Variants in CDIN1 observed in about 807,000 individuals in gnomAD.
CDIN1 encodes the protein CDAN1-interacting nuclease 1.
A neutral mutation model predicts 45.3 loss-of-function variants in CDIN1; 33 were observed. The observed-to-expected ratio is 0.73, with a 90% confidence interval of 0.55 to 0.97. The LOEUF is 0.97. CDIN1 is among the 50% of genes least tolerant of loss of function. The pLI, the probability that CDIN1 is intolerant of heterozygous loss-of-function variation, is 0.00. For synonymous variants in CDIN1, 118 were observed against 124.4 expected (o/e 0.95, Z 0.34); for missense variants, 303 against 339.4 (o/e 0.89, Z 0.84).
intron 10 of CDIN1, among the ~76,000 whole-genome samples, chr15:36,768,230 A>G (rs1419468246): frequency 1.3e-5 from 2 of 152,218 alleles, no homozygotes; most frequent in Non-Finnish European, 2.9e-5. Flanking sequence ...GCCACATGGC[A>G]TTGTGGAAGA....
intron 5 of CDIN1, among the ~76,000 whole-genome samples, chr15:36,685,149 C>T (rs1401863716): frequency 6.7e-6 from 1 of 148,550 alleles, no homozygotes; most frequent in Non-Finnish European, 1.5e-5. Context: ...TCTTGCTTTT[C>T]TAGTTCTTTT....
intron 10 of CDIN1, among the ~76,000 whole-genome samples, chr15:36,788,092 ATATATATATATATATTTTTTTTTT>A (rs1235510399): frequency 4.7e-5 from 2 of 42,142 alleles, no homozygotes; most frequent in Non-Finnish European, 8.0e-5. Context: ...ATATATATAT[ATATATATATATATATTTTTTTTTT>A]TTTTTTTTTT....
chr15:36,749,085 G>A (rs1266910509), intron 10 of CDIN1, among the ~76,000 whole-genome samples: 2 of 152,024 alleles, frequency 1.3e-5, no homozygotes, highest in East Asian at 1.9e-4. Flanking sequence ...CACTCGTATC[G>A]CTTTAAGTTT....
At chr15:36,696,568 G>T (rs1223052987) in intron 7 of CDIN1, 4 of 152,070 alleles carry the variant, frequency 2.6e-5, no homozygotes, top group African/African-American at 7.2e-5. Context: ...TGAGTTGAGG[G>T]ATTTTAATTT....
In CDIN1 at chr15:36,694,167, A is replaced by G. The variant is rs556912905; in HGVS notation, c.476+1992A>G. Among the ~76,000 whole-genome samples the G allele has an allele frequency of 7.2e-5, 11 of 152,326 alleles. No homozygotes were observed. The East Asian group carries it at 7.7e-4, about 11-fold the overall frequency. The stretch of plus-strand genomic sequence containing the variant: ...CTTGGTGATTGCTTTTGTCATGCAA[A>G]ATAAAACAGGCTGGGAAGTTTACAG... On this transcript the variant is annotated intron_variant, in intron 7 of 10. Transcript: ENST00000566621.
intron 1 of CDIN1, among the ~76,000 whole-genome samples, chr15:36,603,200 A>G (rs976855221): frequency 1.2e-4 from 18 of 145,350 alleles, no homozygotes; most frequent in Admixed American, 5.1e-4. Context: ...TTTTATGCCC[A>G]CCTTTTCTCT....
intron 10 of CDIN1, chr15:36,734,259 TATC>T: frequency 4.0e-6 from 1 of 251,692 alleles, no homozygotes; most frequent in South Asian, 4.4e-5. Context: ...TGATCAGAAA[TATC>T]AGTGCATATG....
At chr15:36,744,969 A>G (rs2044368479) in intron 10 of CDIN1, among the ~76,000 whole-genome samples, 1 of 152,200 alleles carries the variant, frequency 6.6e-6, no homozygotes, top group Admixed American at 6.5e-5. Context: ...TCACTTTTGT[A>G]TACATCCATA....
intron 10 of CDIN1, among the ~76,000 whole-genome samples, chr15:36,716,177 A>G (rs2043209182): frequency 6.6e-6 from 1 of 152,160 alleles, no homozygotes; most frequent in Non-Finnish European, 1.5e-5. Context: ...AGCATATGTA[A>G]GATTTTTACA....
At chr15:36,785,864 A>G (rs539661827) in intron 10 of CDIN1, among the ~76,000 whole-genome samples, 4,985 of 152,264 alleles carry the variant, frequency 0.033, 100 homozygotes, top group Non-Finnish European at 0.05. Flanking sequence ...CTGTACCATA[A>G]AGGCAACTAA....
intron 10 of CDIN1, among the ~76,000 whole-genome samples, chr15:36,762,064 G>C (rs1368366255): frequency 6.6e-6 from 1 of 152,058 alleles, no homozygotes; most frequent in East Asian, 1.9e-4. Context: ...ACCAACCTTG[G>C]TTTCCTATCA....
chr15:36,617,891 G>A (rs1323862734), intron 1 of CDIN1: 2 of 772,132 alleles, frequency 2.6e-6, no homozygotes, highest in Non-Finnish European at 4.8e-6. Flanking sequence ...GCCAATTATG[G>A]CAAGGATAAA....
At chr15:36,582,455 T>C (rs1008379462) in intron 1 of CDIN1, among the ~76,000 whole-genome samples, 2 of 152,240 alleles carry the variant, frequency 1.3e-5, no homozygotes, top group Non-Finnish European at 2.9e-5. Flanking sequence ...CCTGCACGTG[T>C]GTGGCAGTGA....
intron 10 of CDIN1, among the ~76,000 whole-genome samples, chr15:36,740,679 G>A (rs143419585): frequency 0.036 from 5,536 of 152,088 alleles, 354 homozygotes; most frequent in African/African-American, 0.13. Context: ...ACCCGAGGTC[G>A]GGAGTTCGAG....
chr15:36,617,784 C>T, intron 1 of CDIN1: 1 of 811,654 alleles, frequency 1.2e-6, no homozygotes. Context: ...TGTGAGTTTG[C>T]ACACAGTAGC....
At chr15:36,722,985 G>GTGTGTTTT (rs111713255) in intron 10 of CDIN1, among the ~76,000 whole-genome samples, 1 of 119,074 alleles carries the variant, frequency 8.4e-6, no homozygotes, top group East Asian at 2.4e-4. Flanking sequence ...GTGTGTGTGT[G>GTGTGTTTT]TTTCTCTCTC....
At chr15:36,597,815 G>T (rs2037909621) in intron 1 of CDIN1, among the ~76,000 whole-genome samples, 1 of 152,096 alleles carries the variant, frequency 6.6e-6, no homozygotes, top group Non-Finnish European at 1.5e-5. Context: ...TCATCTGATG[G>T]TAAGGTCAAG....
chr15:36,722,986 T>TGTGTG (rs2043488073), intron 10 of CDIN1, among the ~76,000 whole-genome samples: 2 of 42,690 alleles, frequency 4.7e-5, no homozygotes, highest in East Asian at 9.8e-4. Context: ...TGTGTGTGTG[T>TGTGTG]TTCTCTCTCC....
chr15:36,595,778 G>A (rs2037795853), intron 1 of CDIN1, among the ~76,000 whole-genome samples: 1 of 152,208 alleles, frequency 6.6e-6, no homozygotes, highest in Non-Finnish European at 1.5e-5. Context: ...TGTGTGCAGA[G>A]GCCTGTGATT....
Sources: gnomAD v4.1 joint callset for allele counts (sites outside exome capture counted in the v4.1 genomes callset) on GRCh38, gnomAD v4.1.1 for gene constraint, MANE v1.5 for transcripts, NCBI Gene and HGNC (gene_info 2026-07-23, HGNC 2026-07-21) for gene names.